ZNF423: variants seen among roughly 807,000 people sequenced by gnomAD.
ZNF423 encodes Ebf-associated zinc finger protein.
Under a neutral mutation model 95.8 loss-of-function variants are expected in ZNF423, and 12 were observed. That is an observed-to-expected ratio of 0.13 (90% CI 0.08 to 0.20). ZNF423 has a LOEUF of 0.20. Among genes scored for constraint, ZNF423 ranks in the 10% least tolerant of loss-of-function variants. The probability of loss-of-function intolerance (pLI) is 1.00; values close to 1 mark genes in which losing one functional copy is unlikely to be tolerated. For synonymous variants in ZNF423, 749 were observed against 711.9 expected, an observed-to-expected ratio of 1.05 and a Z score of -0.83; for missense variants, 1,316 against 1,737.1, an observed-to-expected ratio of 0.76 and a Z score of 4.31.
intron 3 of ZNF423, among the ~76,000 whole-genome samples, chr16:49,727,986 T>A (rs535650172): frequency 1.3e-5 from 2 of 152,098 alleles, no homozygotes; most frequent in Non-Finnish European, 2.9e-5. Flanking sequence ...TCAAACAACA[T>A]CATCTGCTAA....
chr16:49,593,883 C>T (rs868851697), intron 5 of ZNF423, among the ~76,000 whole-genome samples: 6 of 152,206 alleles, frequency 3.9e-5, no homozygotes, highest in Admixed American at 2.6e-4. Flanking sequence ...CTGCCAGGGG[C>T]TCAGAAGGCA....
At chr16:49,508,656 T>C (rs1567431615) in intron 7 of ZNF423, among the ~76,000 whole-genome samples, 1 of 152,208 alleles carries the variant, frequency 6.6e-6, no homozygotes, top group East Asian at 1.9e-4. Context: ...GACTTCTCCT[T>C]GTGCGTCCCT....
intron 3 of ZNF423, among the ~76,000 whole-genome samples, chr16:49,714,759 A>C (rs947093798): frequency 2.6e-5 from 4 of 150,978 alleles, no homozygotes; most frequent in Non-Finnish European, 3.0e-5. Context: ...CATCTCTACA[A>C]AAAAAAAATT....
At chr16:49,516,543 A>G (rs995174026) in intron 7 of ZNF423, among the ~76,000 whole-genome samples, 1 of 152,236 alleles carries the variant, frequency 6.6e-6, no homozygotes, top group African/African-American at 2.4e-5. Flanking sequence ...TGACAGAGCA[A>G]GGTTTTAAAT....
chr16:49,502,898 T>A (rs1967474228), intron 7 of ZNF423, among the ~76,000 whole-genome samples: 1 of 62,448 alleles, frequency 1.6e-5, no homozygotes, highest in Non-Finnish European at 2.6e-5. Flanking sequence ...GTCCCCACAA[T>A]CCCATGTGCA....
intron 1 of ZNF423, among the ~76,000 whole-genome samples, chr16:49,835,738 T>C (rs998489754): frequency 2.0e-5 from 3 of 151,810 alleles, no homozygotes; most frequent in African/African-American, 7.3e-5. Flanking sequence ...TAGGAGGTGG[T>C]GGGGGGGCAG....
intron 3 of ZNF423, among the ~76,000 whole-genome samples, chr16:49,668,028 G>A (rs548077742): frequency 4.6e-5 from 7 of 152,314 alleles, no homozygotes; most frequent in Non-Finnish European, 1.0e-4. Flanking sequence ...TCCTTCCCGA[G>A]GCAACCTGTT....
chr16:49,495,044 G>C (rs1024132891), intron 7 of ZNF423, among the ~76,000 whole-genome samples: 2 of 152,222 alleles, frequency 1.3e-5, no homozygotes, highest in Non-Finnish European at 2.9e-5. Context: ...CACCATAAAG[G>C]CTGGGGGTGG....
intron 5 of ZNF423, among the ~76,000 whole-genome samples, chr16:49,615,161 C>CACACACACACACACAT (rs1363843173): frequency 2.6e-5 from 4 of 151,752 alleles, no homozygotes; most frequent in African/African-American, 9.7e-5. Context: ...CACACACACA[C>CACACACACACACACAT]ACACGGGGCA....
chr16:49,837,057 C>T (rs1269681828), intron 1 of ZNF423, among the ~76,000 whole-genome samples: 1 of 150,338 alleles, frequency 6.7e-6, no homozygotes, highest in African/African-American at 2.5e-5. Flanking sequence ...TGTTTCCTCA[C>T]TGGCCTGGTT....
chr16:49,819,035 C>A (rs371408515), intron 1 of ZNF423, among the ~76,000 whole-genome samples: 3 of 151,822 alleles, frequency 2.0e-5, no homozygotes, highest in Admixed American at 1.3e-4. Context: ...CGGTGGATTA[C>A]GAGGTCAAGA....
At chr16:49,514,229 TACACAC>T (rs775427019) in intron 7 of ZNF423, among the ~76,000 whole-genome samples, 102 of 139,132 alleles carry the variant, frequency 7.3e-4, no homozygotes, top group Non-Finnish European at 1.3e-3. Flanking sequence ...CGCACATGCG[TACACAC>T]ACACGCACAC....
chr16:49,789,523 A>C lies in ZNF423; in HGVS notation c.64T>G (p.Phe22Val), dbSNP rs1474971002. ...ACGGAGGAATCCCAGGCCAGCGAGAAGTCTGAGGCCTCCCCCTCTTCAACT... is the reference window on the plus strand; with the variant it reads ...ACGGAGGAATCCCAGGCCAGCGAGACGTCTGAGGCCTCCCCCTCTTCAACT... ...VKVEEGEASD[F>V]SLAWDSSVTA... Residue 22 changes from phenylalanine to valine, a missense_variant, in exon 2 of 8, where the codon TTC becomes GTC. By Grantham distance (50) the Phe-to-Val change is conservative. Around this residue, in one of 6 missense-constraint regions of ZNF423, gnomAD observed 155 missense variants for 170.8 expected, o/e 0.91. Transcript: ENST00000563137. 6.2e-7 allele frequency: 1 copy of C among 1,612,532 alleles called. No homozygotes were observed. The highest frequency in any genetic ancestry group is 8.5e-7 in the Non-Finnish European group (1 of 1,179,570).
intron 3 of ZNF423, among the ~76,000 whole-genome samples, chr16:49,720,808 G>A (rs2032843366): frequency 6.6e-6 from 1 of 152,168 alleles, no homozygotes; most frequent in South Asian, 2.1e-4. Flanking sequence ...CCATTCAGGG[G>A]AGCCCCTCCC....
intron 1 of ZNF423, among the ~76,000 whole-genome samples, chr16:49,812,663 G>C (rs1022370225): frequency 2.0e-5 from 3 of 152,222 alleles, no homozygotes; most frequent in African/African-American, 7.2e-5. Context: ...CTGGGCAACA[G>C]CGTGAGATCC....
chr16:49,699,326 G>A (rs992000503), intron 3 of ZNF423, among the ~76,000 whole-genome samples: 8 of 152,190 alleles, frequency 5.3e-5, no homozygotes, highest in Non-Finnish European at 1.0e-4. Context: ...TTGCTACAAA[G>A]GAGCCCAGGC....
rs569075192 is a variant in ZNF423 at position 49,724,089 on chromosome 16, G to T, written c.301+6682C>A. 2.6e-5 allele frequency among the ~76,000 whole-genome samples: 4 copies of T among 152,288 alleles called. No homozygotes were observed. In the South Asian group the frequency reaches 8.3e-4, roughly 32 times the overall value. On this transcript the variant is annotated intron_variant, in intron 3 of 7. Coordinates refer to ENST00000563137, the MANE Select transcript of ZNF423 (RefSeq NM_001379286.1). ...TAGCTAACATTAAGCCAATAGGTTC[G>T]TTTGGAGGAAATTGGCATATTTATG...
Position 49,766,802 on chromosome 16 carries a change from C to T in ZNF423, c.100+22685G>A, listed in dbSNP as rs530510065. On this transcript the variant is annotated intron_variant, in intron 2 of 7. Coordinates refer to ENST00000563137, the MANE Select transcript of ZNF423 (RefSeq NM_001379286.1). ...CAGCACTATCTCCTTTCTCACTTCC[C>T]GGCTGTGCTATAAACTAGGACCTCT... Among the ~76,000 whole-genome samples the T allele has an allele frequency of 1.1e-3, 171 of 152,270 alleles. 2 individuals are homozygous for T. Among genetic ancestry groups the T allele is most frequent in the African/African-American group, 3.9e-3 (164 of 41,560 alleles).
At chr16:49,694,250 T>G (rs2031890188) in intron 3 of ZNF423, among the ~76,000 whole-genome samples, 1 of 152,152 alleles carries the variant, frequency 6.6e-6, no homozygotes, top group South Asian at 2.1e-4. Context: ...AACCTGTTCT[T>G]ACTCAGCTTG....
Sources: gnomAD v4.1 joint callset for allele counts (sites outside exome capture counted in the v4.1 genomes callset) on GRCh38, gnomAD v4.1.1 for gene constraint, gnomAD v4.1.1 regional missense constraint, MANE v1.5 for transcripts, NCBI Gene and HGNC (gene_info 2026-07-23, HGNC 2026-07-21) for gene names.